Variants in OPN4 observed in about 807,000 individuals in gnomAD.
OPN4 encodes the protein opsin 4.
In OPN4, 43 loss-of-function variants were observed where a neutral mutation model predicts 49.5. The ratio of observed to expected loss-of-function variants is 0.87; its 90% CI spans 0.68 to 1.12. The LOEUF (loss-of-function observed/expected upper bound fraction) is 1.12, where lower values mean the gene tolerates loss of function less well. Ranked by LOEUF, OPN4 falls within the 50% of genes most tolerant of loss-of-function variation. OPN4 has a pLI of 0.00. For synonymous variants in OPN4, 263 were observed against 258.0 expected (o/e 1.02, Z -0.19); for missense variants, 657 against 643.9 (o/e 1.02, Z -0.22).
intron 1 of OPN4, among the ~76,000 whole-genome samples, chr10:86,655,233 C>T (rs1349967447): frequency 6.6e-6 from 1 of 152,288 alleles, no homozygotes; most frequent in South Asian, 2.1e-4. Context: ...TGCTCGGATG[C>T]CCCATGGAGC....
Position 86,658,365 on chromosome 10 carries a change from A to G in OPN4, c.425-119A>G, listed in dbSNP as rs112900256. On this transcript the variant is annotated intron_variant, in intron 3 of 9. Transcript: ENST00000241891. ...TCTGCCAGCCTTGGCCAGATGTGGC[A>G]GGTGGAGGGGGTGGAGTGCGCTCAG... The G allele has an allele frequency of 1.0e-4, 132 of 1,271,766 alleles. 1 individual carries two copies. The African/African-American group carries it at 1.2e-3, about 11-fold the overall frequency. The allele number at this position is 1,271,766 out of a possible 1,614,324, so 78.8% of individuals were successfully genotyped here. A position where few individuals can be genotyped will look rare whatever the true frequency, so the allele number is the denominator to read the frequency against.
At chr10:86,660,293 C>A (rs1433769457) in intron 6 of OPN4, among the ~76,000 whole-genome samples, 1 of 152,226 alleles carries the variant, frequency 6.6e-6, no homozygotes, top group Non-Finnish European at 1.5e-5. Context: ...CCCCACAAAG[C>A]TTTGGGCGGA....
At chr10:86,656,911 C>T (rs1843881639) in intron 2 of OPN4, among the ~76,000 whole-genome samples, 1 of 146,302 alleles carries the variant, frequency 6.8e-6, no homozygotes, top group Non-Finnish European at 1.5e-5. Context: ...TGCCACTGCA[C>T]TCTAGCCTGG....
At chr10:86,659,503 G>T in intron 5 of OPN4, 35 bp downstream of exon 5, 1 of 1,605,868 alleles carries the variant, frequency 6.2e-7, no homozygotes. Flanking sequence ...CTACAGGAGG[G>T]GGACCGGCCC....
At position 86,659,818 on chromosome 10, in the gene OPN4, C is replaced by A. The variant is rs574687459; in HGVS notation, c.801-77C>A. 4.1e-6 allele frequency: 6 copies of A among 1,473,806 alleles called. No homozygotes were observed. The East Asian group carries it at 1.4e-4, about 34-fold the overall frequency. 91.3% of individuals were successfully genotyped at this position (1,473,806 alleles called of 1,614,324 possible). ...GCCCTGCAAGGATAGTCCAGAGAGG[C>A]TCCCCAACAGCAGCCGTGACCCTGG... On this transcript the variant is annotated intron_variant, in intron 5 of 9. Coordinates refer to ENST00000241891, the MANE Select transcript of OPN4 (RefSeq NM_033282.4).
intron 3 of OPN4, 45 bp downstream of exon 3, chr10:86,658,210 T>G (rs745679864): frequency 6.2e-7 from 1 of 1,605,100 alleles, no homozygotes; most frequent in South Asian, 1.1e-5. Context: ...AGGAGGGTTT[T>G]GACCTGGGGA....
In OPN4 at chr10:86,661,391, G is replaced by A. The variant is rs1027728578; in HGVS notation, c.1073+3G>A. 41 of 1,611,400 alleles carry A rather than the reference G, an allele frequency of 2.5e-5. No individual in the cohort carries two copies. The highest frequency in any genetic ancestry group is 3.5e-5 in the Non-Finnish European group (41 of 1,177,864). On this transcript the variant is annotated splice_donor_region_variant and intron_variant, in intron 7 of 9. Transcript: ENST00000241891. Reference sequence around the variant, plus strand: ...GCCATCACCCACCCCAAGTACAGGTGTGGCTCTTTTCCAGAACCCCACACC... The same window carrying A: ...GCCATCACCCACCCCAAGTACAGGTATGGCTCTTTTCCAGAACCCCACACC...
chr10:86,657,043 C>T, intron 2 of OPN4: 1 of 607,908 alleles, frequency 1.6e-6, no homozygotes, highest in East Asian at 2.8e-5. Context: ...TCTCCATCTG[C>T]CCCCCTGCCT....
intron 4 of OPN4, among the ~76,000 whole-genome samples, 187 bp downstream of exon 4, chr10:86,658,874 G>T (rs1843934686): frequency 6.6e-6 from 1 of 152,176 alleles, no homozygotes; most frequent in Non-Finnish European, 1.5e-5. Flanking sequence ...GCCCCATCAG[G>T]GGCCAAAGGA....
rs1043132255 is a variant in OPN4 at position 86,666,082 on chromosome 10, A to G, written c.*331A>G. ...AATTGTCCAGGCGATGACAATGGTG[A>G]TGGCTCCAGAGAACACACCAGCTAT... On this transcript the variant is annotated 3_prime_UTR_variant, in exon 10 of 10. Coordinates refer to ENST00000241891, the MANE Select transcript of OPN4 (RefSeq NM_033282.4). The G allele has an allele frequency of 1.1e-5, 4 of 359,732 alleles. No homozygotes were observed. The highest frequency in any genetic ancestry group is 2.0e-5 in the Non-Finnish European group (4 of 196,782). 22.3% of individuals were successfully genotyped at this position (359,732 alleles called of 1,614,324 possible). A position where few individuals can be genotyped will look rare whatever the true frequency, so the allele number is the denominator to read the frequency against.
In OPN4 at chr10:86,659,362, G is replaced by A. The variant is rs143017128; in HGVS notation, c.694G>A (p.Val232Met). The change falls in exon 5 of 10, where the codon GTG (valine) becomes ATG (methionine). Residue 232 changes from valine (V) to methionine (M), a missense_variant. By Grantham distance (21) the Val-to-Met change is conservative. Coordinates refer to ENST00000241891, the MANE Select transcript of OPN4 (RefSeq NM_033282.4). ...GGACTACATGAGCTTCACGCCGGCC[G>A]TGCGTGCCTACACCATGCTTCTCTG... The part of the protein sequence containing the change: ...SWDYMSFTPA[V>M]RAYTMLLCCF... The A allele has an allele frequency of 2.2e-5, 36 of 1,613,942 alleles. No individual in the cohort carries two copies. The Admixed American group carries it at 3.3e-4, about 15-fold the overall frequency.
At chr10:86,656,459 A>T (rs936517105) in intron 2 of OPN4, among the ~76,000 whole-genome samples, 159 bp downstream of exon 2, 4 of 152,164 alleles carry the variant, frequency 2.6e-5, no homozygotes, top group African/African-American at 9.7e-5. Context: ...TCAGGCCCAG[A>T]CCTTCCTGAA....
Position 86,656,223 on chromosome 10 carries a change from T to A in OPN4, c.213T>A (p.Tyr71Ter). 6.2e-7 allele frequency: 1 copy of A among 1,614,134 alleles called. No homozygotes were observed. The highest frequency in any genetic ancestry group is 8.5e-7 in the Non-Finnish European group (1 of 1,179,990). ...PTVDVPDHAH[Y>*]TLGTVILLVG... Reference sequence around the variant, plus strand: ...TTGATGTTCCAGACCATGCCCACTATACCCTGGGCACAGTGATCTTGCTGG... The same window carrying A: ...TTGATGTTCCAGACCATGCCCACTAAACCCTGGGCACAGTGATCTTGCTGG... The change falls in exon 2 of 10, where the codon TAT becomes TAA. Residue 71 changes from tyrosine (Y) to a stop codon, truncating the protein, a stop_gained. Coordinates refer to ENST00000241891, the MANE Select transcript of OPN4 (RefSeq NM_033282.4). LOFTEE classifies it high-confidence loss of function.
At chr10:86,660,665 C>G (rs906141958) in intron 6 of OPN4, among the ~76,000 whole-genome samples, 1 of 152,098 alleles carries the variant, frequency 6.6e-6, no homozygotes, top group East Asian at 1.9e-4. Context: ...AAGAGCTAGG[C>G]AGAGGGTGCA....
Position 86,658,150 on chromosome 10 carries a change from C to T in OPN4, c.409C>T (p.Leu137Phe), listed in dbSNP as rs1449593160. 6.2e-7 allele frequency: 1 copy of T among 1,613,938 alleles called. No individual in the cohort carries two copies. Among genetic ancestry groups the T allele is most frequent in the East Asian group, 2.2e-5 (1 of 44,882 alleles). Residue 137 changes from leucine (L) to phenylalanine (F), a missense_variant, in exon 3 of 10, where the codon CTC (leucine) becomes TTC (phenylalanine). Transcript: ENST00000241891. ...FFTSSLYKQW[L>F]FGETGCEFYA... ...CACCAGTAGCCTCTATAAGCAGTGG[C>T]TCTTTGGGGAGACAGGTAGATGCTG...
In OPN4 at chr10:86,659,888, T is replaced by C. The variant is rs767067336; in HGVS notation, c.801-7T>C. The stretch of plus-strand genomic sequence containing the variant: ...AGGGTCAGACCTGGACGATGCGTCC[T>C]TCCTAGGGCTCTCCAGACCTTCGGG... On this transcript the variant is annotated splice_region_variant and splice_polypyrimidine_tract_variant and intron_variant, in intron 5 of 9. Coordinates refer to ENST00000241891, the MANE Select transcript of OPN4 (RefSeq NM_033282.4). 5 of 1,614,006 alleles carry C rather than the reference T, an allele frequency of 3.1e-6. No individual in the cohort carries two copies. The highest frequency in any genetic ancestry group is 1.3e-5 in the African/African-American group (1 of 75,048).
intron 6 of OPN4, among the ~76,000 whole-genome samples, chr10:86,660,817 T>TCACTCAGATCAGAATTCTC (rs559943453): frequency 6.2e-4 from 95 of 152,292 alleles, no homozygotes; most frequent in East Asian, 2.9e-3. Context: ...TCCCTCCTAC[T>TCACTCAGATCAGAATTCTC]CACTCAGATC....
Position 86,658,633 on chromosome 10 carries a change from C to A in OPN4, c.574C>A (p.Leu192Met), listed in dbSNP as rs754745228. Residue 192 changes from leucine (L) to methionine (M), a missense_variant, in exon 4 of 10, where the codon CTG becomes ATG. Leu to Met is a conservative substitution (Grantham distance 15). Coordinates refer to ENST00000241891, the MANE Select transcript of OPN4 (RefSeq NM_033282.4). The part of the protein sequence containing the change: ...ASKRRAAFVL[L>M]GVWLYALAWS... ...CAAGAGGCGTGCGGCATTTGTCCTG[C>A]TGGGCGTTTGGCTCTATGCCCTGGC... The A allele has an allele frequency of 7.4e-6, 12 of 1,613,964 alleles. No homozygotes were observed. The highest frequency in any genetic ancestry group is 1.0e-5 in the Non-Finnish European group (12 of 1,180,058).
Position 86,665,978 on chromosome 10 carries a change from G to C in OPN4, c.*227G>C. On this transcript the variant is annotated 3_prime_UTR_variant, in exon 10 of 10. Transcript: ENST00000241891. ...ACTTTCCAGCTCAGCAGCCGCACCC[G>C]AGGCTCAGCCTGAGGGGTATGTGCC... 1.8e-6 allele frequency: 1 copy of C among 567,220 alleles called. No individual in the cohort carries two copies. The highest frequency in any genetic ancestry group is 3.1e-6 in the Non-Finnish European group (1 of 320,410). 35.1% of individuals were successfully genotyped at this position (567,220 alleles called of 1,614,324 possible).
Sources: gnomAD v4.1 joint callset for allele counts (sites outside exome capture counted in the v4.1 genomes callset) on GRCh38, gnomAD v4.1.1 for gene constraint, MANE v1.5 for transcripts, NCBI Gene and HGNC (gene_info 2026-07-23, HGNC 2026-07-21) for gene names.